NALF1: variants seen among roughly 807,000 people sequenced by gnomAD.
NALF1 encodes the protein family with sequence similarity 155 member A.
In NALF1, 3 loss-of-function variants were observed where a neutral mutation model predicts 48.4. The observed-to-expected ratio is 0.06, with a 90% CI of 0.03 to 0.16. The LOEUF (loss-of-function observed/expected upper bound fraction) is 0.16, where lower values mean the gene tolerates loss of function less well. Among genes scored for constraint, NALF1 ranks in the 10% least tolerant of loss-of-function variants. NALF1 has a pLI of 1.00. For missense variants in NALF1, 526 were observed against 571.5 expected (o/e 0.92, Z 0.81); for synonymous variants, 262 against 245.7 (o/e 1.07, Z -0.62).
intron 1 of NALF1, among the ~76,000 whole-genome samples, chr13:107,558,974 C>G (rs903144892): frequency 6.6e-6 from 1 of 152,156 alleles, no homozygotes; most frequent in African/African-American, 2.4e-5. Flanking sequence ...TGGGCCTGGG[C>G]TGGAAGGAAA....
chr13:107,621,550 C>A (rs1383119609), intron 1 of NALF1, among the ~76,000 whole-genome samples: 1 of 152,190 alleles, frequency 6.6e-6, no homozygotes, highest in East Asian at 1.9e-4. Flanking sequence ...CATGCTACTG[C>A]TAAGAAGTTC....
chr13:107,344,650 CAACT>C (rs1389105321), intron 1 of NALF1, among the ~76,000 whole-genome samples: 1 of 152,118 alleles, frequency 6.6e-6, no homozygotes, highest in Non-Finnish European at 1.5e-5. Flanking sequence ...TAAAAACACT[CAACT>C]AACTAAGCGT....
At position 107,222,977 on chromosome 13, in the gene NALF1, A is replaced by G. The variant is rs990611696; in HGVS notation, c.916-12222T>C. On this transcript the variant is annotated intron_variant, in intron 1 of 2. Transcript: ENST00000375915. ...TGATCAAGGTTTTGCCATTATTATT[A>G]TCAGTTTAATCTACAGACTAAACTA... 1.9e-4 allele frequency among the ~76,000 whole-genome samples: 29 copies of G among 152,244 alleles called. 1 individual carries two copies. Among genetic ancestry groups the G allele is most frequent in the Admixed American group, 1.3e-4 (2 of 15,276 alleles).
chr13:107,755,035 A>G (rs1176746217), intron 1 of NALF1, among the ~76,000 whole-genome samples: 4 of 152,344 alleles, frequency 2.6e-5, no homozygotes, highest in Non-Finnish European at 1.5e-5. Context: ...GTGTAATAAA[A>G]TTTCAAACCT....
At chr13:107,247,260 G>A (rs570836544) in intron 1 of NALF1, among the ~76,000 whole-genome samples, 8 of 152,220 alleles carry the variant, frequency 5.3e-5, no homozygotes, top group African/African-American at 1.9e-4. Context: ...ATTGACAAGG[G>A]CAAATTTTAA....
In NALF1 at chr13:107,362,836, G is replaced by C. The variant is rs1349753916; in HGVS notation, c.916-152081C>G. Among the ~76,000 whole-genome samples the C allele has an allele frequency of 1.3e-5, 2 of 152,134 alleles. No individual in the cohort carries two copies. The highest frequency in any genetic ancestry group is 2.9e-5 in the Non-Finnish European group (2 of 68,038). ...CATATGGAGCAACCAGGATGAATGT[G>C]AGCTTTTGGCAGGTCTAAAGTAAGT... On this transcript the variant is annotated intron_variant, in intron 1 of 2. Transcript: ENST00000375915. The surrounding 1 kb of genome is among the most constrained non-coding windows in gnomAD (Gnocchi z 4.6).
chr13:107,583,329 T>C (rs866367502), intron 1 of NALF1, among the ~76,000 whole-genome samples: 5 of 152,192 alleles, frequency 3.3e-5, no homozygotes, highest in Non-Finnish European at 7.4e-5. Context: ...GTTCAAATAA[T>C]GTTATCAACA....
intron 1 of NALF1, among the ~76,000 whole-genome samples, chr13:107,575,460 A>G (rs1423499687): frequency 6.6e-6 from 1 of 152,144 alleles, no homozygotes; most frequent in Non-Finnish European, 1.5e-5. Flanking sequence ...TTTAGCAGAG[A>G]GTCCCTGACC....
chr13:107,618,750 G>A (rs1186900472), intron 1 of NALF1, among the ~76,000 whole-genome samples: 1 of 152,138 alleles, frequency 6.6e-6, no homozygotes, highest in Admixed American at 6.5e-5. Context: ...TTGTTAGGTG[G>A]CAGTGTCATT....
At chr13:107,465,463 T>C (rs1181443928) in intron 1 of NALF1, among the ~76,000 whole-genome samples, 1 of 152,190 alleles carries the variant, frequency 6.6e-6, no homozygotes, top group Non-Finnish European at 1.5e-5. Context: ...CCTGGGTCTC[T>C]GTGCTCTGGG....
intron 1 of NALF1, among the ~76,000 whole-genome samples, chr13:107,862,228 C>T (rs1880589987): frequency 6.6e-6 from 1 of 151,882 alleles, no homozygotes; most frequent in South Asian, 2.1e-4. Context: ...AGTTTATATC[C>T]CATAAATTCC....
intron 1 of NALF1, among the ~76,000 whole-genome samples, chr13:107,257,475 A>G (rs905695371): frequency 8.1e-5 from 12 of 147,792 alleles, no homozygotes; most frequent in African/African-American, 3.0e-4. Context: ...TGAGGCTTCA[A>G]AATTGTTTCT....
At chr13:107,750,663 G>A (rs539771547) in intron 1 of NALF1, among the ~76,000 whole-genome samples, 9 of 151,738 alleles carry the variant, frequency 5.9e-5, no homozygotes, top group East Asian at 1.9e-4. Flanking sequence ...GTAACAGTAC[G>A]CTACAGTCAC....
chr13:107,523,469 C>G (rs1313882424), intron 1 of NALF1, among the ~76,000 whole-genome samples: 1 of 151,206 alleles, frequency 6.6e-6, no homozygotes, highest in Non-Finnish European at 1.5e-5. Flanking sequence ...TGTGCTGCAC[C>G]CATTAACTCG....
chr13:107,254,540 T>C (rs548257350), intron 1 of NALF1, among the ~76,000 whole-genome samples: 4 of 152,258 alleles, frequency 2.6e-5, no homozygotes, highest in African/African-American at 7.2e-5. Context: ...GTCATTTCTA[T>C]AGCCCCTACC....
chr13:107,688,529 G>A (rs1881491436), intron 1 of NALF1, among the ~76,000 whole-genome samples: 1 of 152,126 alleles, frequency 6.6e-6, no homozygotes, highest in African/African-American at 2.4e-5. Context: ...AGATGTGCAT[G>A]GCAAAGCCCT....
chr13:107,603,407 G>A (rs1878984800), intron 1 of NALF1, among the ~76,000 whole-genome samples: 1 of 152,074 alleles, frequency 6.6e-6, no homozygotes, highest in African/African-American at 2.4e-5. Context: ...AAATATGAGA[G>A]GTTCTTTTTA....
chr13:107,762,155 T>C (rs949637350), intron 1 of NALF1, among the ~76,000 whole-genome samples: 1 of 151,896 alleles, frequency 6.6e-6, no homozygotes, highest in East Asian at 1.9e-4. Flanking sequence ...TGTGCTATGG[T>C]GCCAGGAATG....
intron 1 of NALF1, among the ~76,000 whole-genome samples, chr13:107,812,300 A>G (rs190469508): frequency 6.6e-6 from 1 of 152,246 alleles, no homozygotes; most frequent in Admixed American, 6.5e-5. Context: ...ACTGGCCTCA[A>G]ATGAATTAAA....
Sources: gnomAD v4.1 joint callset for allele counts (sites outside exome capture counted in the v4.1 genomes callset) on GRCh38, gnomAD v4.1.1 for gene constraint, Gnocchi (gnomAD v3.1) non-coding constraint, MANE v1.5 for transcripts, NCBI Gene and HGNC (gene_info 2026-07-23, HGNC 2026-07-21) for gene names.